Variants in SPON1 observed in about 807,000 individuals in gnomAD.
SPON1 encodes the protein spondin-1.
In SPON1, 52 loss-of-function variants were observed where a neutral mutation model predicts 111.7. The ratio of observed to expected loss-of-function variants is 0.47; its 90% CI spans 0.37 to 0.59. The LOEUF (loss-of-function observed/expected upper bound fraction) is 0.59, where lower values mean the gene tolerates loss of function less well. Among genes scored for constraint, SPON1 ranks in the 20% least tolerant of loss-of-function variants. The pLI is 0.00. For synonymous variants in SPON1, 410 were observed against 395.8 expected (o/e 1.04, Z -0.43); for missense variants, 957 against 1,068.5 (o/e 0.90, Z 1.46).
At chr11:14,138,606 C>A (rs10832189) in intron 6 of SPON1, among the ~76,000 whole-genome samples, 59,460 of 151,760 alleles carry the variant, frequency 0.39, 11,870 homozygotes, top group East Asian at 0.54. Flanking sequence ...TGGCAGGTCA[C>A]AAATGGGTAA....
rs372737958 is a variant in SPON1 at position 14,196,595 on chromosome 11, G to A, written c.826-46737G>A. 6.6e-5 allele frequency among the ~76,000 whole-genome samples: 10 copies of A among 152,178 alleles called. No homozygotes were observed. In the East Asian group the frequency reaches 1.7e-3, roughly 26 times the overall value. On this transcript the variant is annotated intron_variant, in intron 6 of 15. Transcript: ENST00000576479. ...CTTGTTCCTTCATTTCCAACCAGTGGTCTTTCCACTTTCTCACTTTCACTG... is the reference window on the plus strand; with the variant it reads ...CTTGTTCCTTCATTTCCAACCAGTGATCTTTCCACTTTCTCACTTTCACTG...
intron 5 of SPON1, among the ~76,000 whole-genome samples, chr11:14,130,111 A>G (rs1179907784): frequency 1.3e-5 from 2 of 152,198 alleles, no homozygotes; most frequent in African/African-American, 4.8e-5. Flanking sequence ...CTCATGTTAC[A>G]TATGAAGAAA....
At chr11:13,975,768 C>T (rs1554909014) in intron 1 of SPON1, among the ~76,000 whole-genome samples, 1 of 152,168 alleles carries the variant, frequency 6.6e-6, no homozygotes, top group Admixed American at 6.5e-5. Context: ...TCCAGTGGTC[C>T]TTCATTGGCA....
intron 2 of SPON1, among the ~76,000 whole-genome samples, chr11:14,031,670 T>C (rs1554916069): frequency 6.6e-6 from 1 of 151,936 alleles, no homozygotes; most frequent in Non-Finnish European, 1.5e-5. Flanking sequence ...ATTTTTTTTT[T>C]TCCTTTACTT....
intron 7 of SPON1, among the ~76,000 whole-genome samples, chr11:14,252,842 G>A (rs182772664): frequency 2.0e-5 from 3 of 152,376 alleles, no homozygotes; most frequent in East Asian, 3.9e-4. Context: ...ACAATCTGGA[G>A]GGATTATTAA....
At chr11:14,008,751 C>G (rs1238100401) in intron 2 of SPON1, among the ~76,000 whole-genome samples, 1 of 152,144 alleles carries the variant, frequency 6.6e-6, no homozygotes, top group Non-Finnish European at 1.5e-5. Flanking sequence ...GGCCAATCAC[C>G]CCACCTTTGT....
intron 2 of SPON1, among the ~76,000 whole-genome samples, chr11:14,036,282 T>C (rs1848593635): frequency 6.6e-6 from 1 of 152,208 alleles, no homozygotes; most frequent in African/African-American, 2.4e-5. Flanking sequence ...AGAGAGTATA[T>C]AAAGACAGTT....
At chr11:14,185,367 T>C (rs1187851706) in intron 6 of SPON1, among the ~76,000 whole-genome samples, 1 of 152,198 alleles carries the variant, frequency 6.6e-6, no homozygotes, top group Non-Finnish European at 1.5e-5. Context: ...TTTTCCTCTA[T>C]TTACTATCAA....
At chr11:14,112,973 C>T (rs1201064139) in intron 5 of SPON1, among the ~76,000 whole-genome samples, 1 of 152,178 alleles carries the variant, frequency 6.6e-6, no homozygotes, top group Non-Finnish European at 1.5e-5. Context: ...ATCCCAATAC[C>T]GATCTTTCTG....
intron 2 of SPON1, among the ~76,000 whole-genome samples, chr11:14,021,494 C>G (rs888702263): frequency 1.3e-5 from 2 of 152,100 alleles, no homozygotes; most frequent in African/African-American, 2.4e-5. Context: ...GTTGCAAAAC[C>G]TGAGGAAGAA....
At chr11:14,203,323 CCA>C (rs1286678812) in intron 6 of SPON1, among the ~76,000 whole-genome samples, 1 of 152,158 alleles carries the variant, frequency 6.6e-6, no homozygotes, top group Admixed American at 6.5e-5. Context: ...TCCATTAACC[CCA>C]CACACACAGA....
At chr11:13,974,685 C>G (rs1224415594) in intron 1 of SPON1, among the ~76,000 whole-genome samples, 1 of 152,102 alleles carries the variant, frequency 6.6e-6, no homozygotes, top group East Asian at 1.9e-4. Flanking sequence ...TAGGGCAAAG[C>G]TGTAATTCAA....
intron 6 of SPON1, among the ~76,000 whole-genome samples, chr11:14,146,658 GA>G (rs1418812588): frequency 1.3e-5 from 2 of 152,042 alleles, no homozygotes; most frequent in Non-Finnish European, 2.9e-5. Flanking sequence ...GAAAATGTTT[GA>G]AAAAGCATAT....
At chr11:14,224,740 G>A in intron 6 of SPON1, 1 of 505,990 alleles carries the variant, frequency 2.0e-6, no homozygotes, top group Non-Finnish European at 3.9e-6. Context: ...ACACATAAGG[G>A]TGAAAGACTG....
intron 6 of SPON1, among the ~76,000 whole-genome samples, chr11:14,178,291 G>A (rs1271331188): frequency 1.3e-5 from 2 of 151,950 alleles, no homozygotes; most frequent in South Asian, 2.1e-4. Flanking sequence ...GCATGGTGGC[G>A]GGCGCCTGTA....
intron 2 of SPON1, among the ~76,000 whole-genome samples, chr11:14,011,805 T>A (rs1372157038): frequency 1.3e-5 from 2 of 152,076 alleles, no homozygotes; most frequent in African/African-American, 4.8e-5. Flanking sequence ...TGGAGAGGCC[T>A]GGAGGTGAGA....
intron 2 of SPON1, among the ~76,000 whole-genome samples, chr11:13,991,093 G>A (rs1266226324): frequency 6.6e-6 from 1 of 152,132 alleles, no homozygotes; most frequent in Admixed American, 6.5e-5. Context: ...GGTGTTCTCT[G>A]TATTTCCTGA....
At chr11:14,206,073 G>A (rs1848513935) in intron 6 of SPON1, among the ~76,000 whole-genome samples, 1 of 151,990 alleles carries the variant, frequency 6.6e-6, no homozygotes, top group Non-Finnish European at 1.5e-5. Context: ...AGAGCACTAT[G>A]CCTATTTTTA....
chr11:14,160,610 T>C lies in SPON1; in HGVS notation c.825+25042T>C, dbSNP rs1162882302. 6.9e-4 allele frequency among the ~76,000 whole-genome samples: 14 copies of C among 20,292 alleles called. No individual in the cohort carries two copies. In the Admixed American group the frequency reaches 9.5e-3, roughly 14 times the overall value. The allele number at this position is 20,292 out of a possible 152,430, so 13.3% of individuals were successfully genotyped here. On this transcript the variant is annotated intron_variant, in intron 6 of 15. Transcript: ENST00000576479. ...ACATATATATATTTATATATATTTATATATATTTATATATATATTTATATA... is the reference window on the plus strand; with the variant it reads ...ACATATATATATTTATATATATTTACATATATTTATATATATATTTATATA...
Sources: allele counts gnomAD v4.1 joint callset (sites outside exome capture counted in the v4.1 genomes callset), GRCh38; gene constraint gnomAD v4.1.1; transcripts MANE v1.5; gene names NCBI Gene and HGNC (gene_info 2026-07-23, HGNC 2026-07-21).